Variants in TMLHE observed in about 807,000 individuals in gnomAD.
TMLHE encodes trimethyllysine dioxygenase, mitochondrial.
In TMLHE, 18 loss-of-function variants were observed where a neutral mutation model predicts 25.7. The observed-to-expected ratio is 0.70, with a 90% CI of 0.48 to 1.04. The LOEUF is 1.04. Among genes scored for constraint, TMLHE ranks in the 50% least tolerant of loss-of-function variants. The pLI, the probability that TMLHE is intolerant of heterozygous loss-of-function variation, is 0.00. For synonymous variants in TMLHE, 105 were observed against 97.0 expected, an observed-to-expected ratio of 1.08 and a Z score of -0.49; for missense variants, 236 against 259.0, an observed-to-expected ratio of 0.91 and a Z score of 0.61.
chrX:155,548,683 T>C (rs991064645), intron 1 of TMLHE, among the ~76,000 whole-genome samples: 22 of 106,878 alleles, frequency 2.1e-4, no homozygotes, highest in Middle Eastern at 4.8e-3. Flanking sequence ...TGCAGTGAGC[T>C]GAGATTGTGC....
At chrX:155,508,822 G>A (rs1357950866) in intron 5 of TMLHE, among the ~76,000 whole-genome samples, 2 of 110,691 alleles carry the variant, frequency 1.8e-5, no homozygotes, top group Non-Finnish European at 3.8e-5. Flanking sequence ...ATGGGTTTGA[G>A]GAGTAAATGG....
intron 1 of TMLHE, among the ~76,000 whole-genome samples, chrX:155,559,558 A>G (rs1195779766): frequency 3.6e-5 from 4 of 112,012 alleles, no homozygotes; most frequent in African/African-American, 1.3e-4. Flanking sequence ...ATCAATCATA[A>G]TAACAGAAAC....
At chrX:155,547,453 C>T (rs922100565) in intron 1 of TMLHE, among the ~76,000 whole-genome samples, 5 of 112,042 alleles carry the variant, frequency 4.5e-5, no homozygotes, top group African/African-American at 1.6e-4. Flanking sequence ...ATAATAGGTA[C>T]TTTCTTAAGT....
At chrX:155,508,947 C>T (rs1328882399) in intron 5 of TMLHE, among the ~76,000 whole-genome samples, 1 of 109,890 alleles carries the variant, frequency 9.1e-6, no homozygotes, top group African/African-American at 3.3e-5. Context: ...CAAGGAAGTA[C>T]AAAAATAGAG....
intron 1 of TMLHE, among the ~76,000 whole-genome samples, chrX:155,578,546 T>C (rs182154665): frequency 2.4e-3 from 271 of 111,712 alleles, no homozygotes; most frequent in African/African-American, 8.6e-3. Flanking sequence ...ACCCAACCCA[T>C]TGCTGCCACG....
intron 1 of TMLHE, among the ~76,000 whole-genome samples, chrX:155,600,721 G>A (rs2067751007): frequency 8.9e-6 from 1 of 112,167 alleles, no homozygotes; most frequent in Non-Finnish European, 1.9e-5. Flanking sequence ...ATGCTCGGGA[G>A]AAACTGAACA....
chrX:155,547,301 C>T (rs1444706914), intron 1 of TMLHE, among the ~76,000 whole-genome samples: 13 of 96,988 alleles, frequency 1.3e-4, no homozygotes, highest in African/African-American at 2.5e-4. Flanking sequence ...CCTGCCACCA[C>T]GCCCGGCTAA....
chrX:155,521,793 G>A (rs376647582), intron 3 of TMLHE, among the ~76,000 whole-genome samples: 2 of 67,370 alleles, frequency 3.0e-5, no homozygotes, highest in African/African-American at 1.1e-4. Context: ...TTCCAGGTGC[G>A]TCCGTCACCC....
chrX:155,607,347 G>A (rs993948311), intron 1 of TMLHE, among the ~76,000 whole-genome samples: 3 of 111,795 alleles, frequency 2.7e-5, no homozygotes, highest in Non-Finnish European at 5.6e-5. Context: ...AATAGATGCA[G>A]AAAAGCCTTT....
At chrX:155,609,739 C>T (rs2067808316) in intron 1 of TMLHE, among the ~76,000 whole-genome samples, 1 of 111,449 alleles carries the variant, frequency 9.0e-6, no homozygotes, top group Non-Finnish European at 1.9e-5. Flanking sequence ...GACATTTCTC[C>T]AAAGAACATA....
In TMLHE at chrX:155,612,847, G is replaced by C. The variant is rs1374092473; in HGVS notation, c.-57C>G. On this transcript the variant is annotated 5_prime_UTR_variant, in exon 1 of 8. Transcript: ENST00000334398. ...CAGAGTGGGCAGAATTCCAAGCAAGGAGAGTCTCGGGAGGCAGCCTTTCAC... is the reference window on the plus strand; with the variant it reads ...CAGAGTGGGCAGAATTCCAAGCAAGCAGAGTCTCGGGAGGCAGCCTTTCAC... 1 of 112,133 alleles carries C rather than the reference G, an allele frequency of 8.9e-6. No homozygotes were observed. Among genetic ancestry groups the C allele is most frequent in the African/African-American group, 3.2e-5 (1 of 30,867 alleles). 9.2% of individuals were successfully genotyped at this position (112,133 alleles called of 1,213,427 possible).
At chrX:155,531,901 A>G (rs2124384846) in intron 2 of TMLHE, among the ~76,000 whole-genome samples, 1 of 111,266 alleles carries the variant, frequency 9.0e-6, no homozygotes, top group East Asian at 2.8e-4. Flanking sequence ...GGGGGGCAAA[A>G]TAGACCCCAA....
At chrX:155,554,643 T>C (rs1220282181) in intron 1 of TMLHE, among the ~76,000 whole-genome samples, 1 of 110,211 alleles carries the variant, frequency 9.1e-6, no homozygotes, top group East Asian at 2.8e-4. Flanking sequence ...GTTATGGTAC[T>C]TTTTGAATCC....
intron 1 of TMLHE, among the ~76,000 whole-genome samples, chrX:155,554,291 G>T (rs993306822): frequency 9.0e-6 from 1 of 110,704 alleles, no homozygotes; most frequent in African/African-American, 3.3e-5. Context: ...GTTTAATTCT[G>T]CCTGAAGATC....
chrX:155,605,931 C>CA (rs1172975794), intron 1 of TMLHE, among the ~76,000 whole-genome samples: 11 of 109,318 alleles, frequency 1.0e-4, no homozygotes, highest in Non-Finnish European at 2.1e-4. Flanking sequence ...AAACAAAGAA[C>CA]AAAAAAAAGC....
intron 1 of TMLHE, among the ~76,000 whole-genome samples, chrX:155,580,625 A>ACCTCTCAATAGAAGCAGAAAAGGC (rs2067620198): frequency 1.8e-5 from 2 of 112,110 alleles, no homozygotes; most frequent in Non-Finnish European, 3.8e-5. Flanking sequence ...GGTTTAATGG[A>ACCTCTCAATAGAAGCAGAAAAGGC]CTTACAGTTC....
chrX:155,532,448 C>T (rs959169744), intron 2 of TMLHE, among the ~76,000 whole-genome samples: 13 of 111,966 alleles, frequency 1.2e-4, no homozygotes, highest in African/African-American at 3.9e-4. Flanking sequence ...TAAGCCAACA[C>T]TTGGTCTTTA....
intron 6 of TMLHE, among the ~76,000 whole-genome samples, chrX:155,504,929 A>G (rs1557332521): frequency 1.8e-5 from 2 of 111,451 alleles, no homozygotes; most frequent in Admixed American, 1.9e-4. Context: ...AATATTTTAT[A>G]TCTTGATAAG....
chrX:155,574,526 A>T (rs1251830133), intron 1 of TMLHE, among the ~76,000 whole-genome samples: 2 of 112,195 alleles, frequency 1.8e-5, no homozygotes, highest in African/African-American at 6.5e-5. Context: ...CAGAGGTAAT[A>T]TTGTCTAAAA....
Sources: gnomAD v4.1 joint callset for allele counts (sites outside exome capture counted in the v4.1 genomes callset) on GRCh38, gnomAD v4.1.1 for gene constraint, MANE v1.5 for transcripts, NCBI Gene and HGNC (gene_info 2026-07-23, HGNC 2026-07-21) for gene names.